The following FAM184B variants were observed in gnomAD, a reference collection of about 807,000 sequenced individuals.
The protein encoded by FAM184B is family with sequence similarity 184 member B, also known as protein FAM184B.
FAM184B carries 111 observed loss-of-function variants against 135.9 expected under a neutral mutation model. The observed-to-expected ratio is 0.82, with a 90% confidence interval of 0.70 to 0.96. The LOEUF (loss-of-function observed/expected upper bound fraction) is 0.96. Ranked by LOEUF, FAM184B falls within the 40% of genes least tolerant of loss-of-function variation. FAM184B has a pLI of 0.00. For synonymous variants in FAM184B, 552 were observed against 524.8 expected (o/e 1.05, Z -0.71); for missense variants, 1,375 against 1,323.9 (o/e 1.04, Z -0.60).
At chr4:17,735,136 A>G (rs917991110) in intron 1 of FAM184B, among the ~76,000 whole-genome samples, 1 of 149,720 alleles carries the variant, frequency 6.7e-6, no homozygotes, top group African/African-American at 2.5e-5. Flanking sequence ...AACAATGAAA[A>G]CACATGGACA....
Position 17,660,879 on chromosome 4 carries a change from T to C in FAM184B, c.1695-792A>G, listed in dbSNP as rs1715902868. On this transcript the variant is annotated intron_variant, in intron 8 of 17. Transcript: ENST00000265018. ...CCTGACAAGGACATCAGGCCAGAGC[T>C]CCAGAGGTGGGGTTTAGGGTCTCGG... Among the ~76,000 whole-genome samples, 7 of 152,068 alleles carry C rather than the reference T, an allele frequency of 4.6e-5. No homozygotes were observed. In the South Asian group the frequency reaches 8.3e-4, roughly 18 times the overall value.
chr4:17,766,762 C>T (rs1718702826), intron 1 of FAM184B, among the ~76,000 whole-genome samples: 1 of 152,258 alleles, frequency 6.6e-6, no homozygotes. Flanking sequence ...GGATCCCGCA[C>T]CGGGGCAGCA....
intron 2 of FAM184B, among the ~76,000 whole-genome samples, chr4:17,708,434 C>T (rs1380071186): frequency 6.6e-6 from 1 of 151,548 alleles, no homozygotes; most frequent in Non-Finnish European, 1.5e-5. Flanking sequence ...CACCTGAGGT[C>T]AGGAGTTGGA....
chr4:17,725,421 C>T (rs1288766924), intron 1 of FAM184B, among the ~76,000 whole-genome samples: 2 of 152,042 alleles, frequency 1.3e-5, no homozygotes, highest in Non-Finnish European at 2.9e-5. Context: ...TTTTCTCATC[C>T]CAGATACCAA....
intron 5 of FAM184B, among the ~76,000 whole-genome samples, chr4:17,699,744 C>T (rs576507854): frequency 2.6e-5 from 4 of 152,036 alleles, no homozygotes; most frequent in Middle Eastern, 3.4e-3. Context: ...TTGAAGCCAC[C>T]AAAGGAATGA....
chr4:17,732,311 C>G (rs1204910207), intron 1 of FAM184B, among the ~76,000 whole-genome samples: 3 of 152,084 alleles, frequency 2.0e-5, no homozygotes, highest in Non-Finnish European at 4.4e-5. Flanking sequence ...GAAAAGCTAG[C>G]AGAAGGCAAG....
rs191464089 is a variant in FAM184B, at chr4:17,703,251, T to C, written c.1377+1749A>G. Among the ~76,000 whole-genome samples the C allele has an allele frequency of 1.3e-4, 19 of 151,638 alleles. No individual in the cohort carries two copies. The East Asian group carries it at 3.7e-3, about 30-fold the overall frequency. On this transcript the variant is annotated intron_variant, in intron 5 of 17. Transcript: ENST00000265018. ...GTGGCGCATGCCTATAATCCCAGCATTTTGGGAGGCTAAGGTGGGAGGATC... is the reference window on the plus strand; with the variant it reads ...GTGGCGCATGCCTATAATCCCAGCACTTTGGGAGGCTAAGGTGGGAGGATC...
rs1425684255 is a variant in FAM184B, at chr4:17,781,434, C to T, written c.-135G>A. The T allele has an allele frequency of 1.8e-6, 2 of 1,103,652 alleles. No individual in the cohort carries two copies. Among genetic ancestry groups the T allele is most frequent in the Non-Finnish European group, 2.4e-6 (2 of 840,578 alleles). 68.4% of individuals were successfully genotyped at this position (1,103,652 alleles called of 1,614,324 possible). A position where few individuals can be genotyped will look rare whatever the true frequency, so the allele number is the denominator to read the frequency against. On this transcript the variant is annotated 5_prime_UTR_variant, in exon 1 of 18. Coordinates refer to ENST00000265018, the MANE Select transcript of FAM184B (RefSeq NM_015688.2). The surrounding 1 kb of genome is among the most constrained non-coding windows in gnomAD (Gnocchi z 6.5). ...ACTGCAGTCCCGTCGCCTGCACCGC[C>T]GCGTGGCCCCAGCTTCCCGAAGGTC... is the stretch of plus-strand genomic sequence containing the variant.
intron 2 of FAM184B, among the ~76,000 whole-genome samples, chr4:17,707,995 A>G (rs1717156019): frequency 6.6e-6 from 1 of 152,176 alleles, no homozygotes; most frequent in African/African-American, 2.4e-5. Flanking sequence ...TGGTAAAAAA[A>G]AAATGCTCAG....
intron 11 of FAM184B, among the ~76,000 whole-genome samples, chr4:17,651,537 CAAAAAAAAAAAA>C (rs751455835): frequency 0.014 from 605 of 43,128 alleles, 8 homozygotes; most frequent in African/African-American, 0.057. Flanking sequence ...GACTCTGTCT[CAAAAAAAAAAAA>C]AAAAAAAAAA....
intron 1 of FAM184B, among the ~76,000 whole-genome samples, chr4:17,750,095 T>C (rs1038861195): frequency 2.6e-5 from 4 of 152,218 alleles, no homozygotes; most frequent in African/African-American, 9.6e-5. Context: ...GATTTTTCCC[T>C]TAGGACAGAT....
chr4:17,772,706 C>A (rs948555367), intron 1 of FAM184B, among the ~76,000 whole-genome samples: 1 of 152,196 alleles, frequency 6.6e-6, no homozygotes, highest in Admixed American at 6.5e-5. Flanking sequence ...TGTTTTGAGA[C>A]CAAACTATCA....
At chr4:17,731,656 AG>A (rs1263484037) in intron 1 of FAM184B, among the ~76,000 whole-genome samples, 1 of 152,246 alleles carries the variant, frequency 6.6e-6, no homozygotes, top group Non-Finnish European at 1.5e-5. Flanking sequence ...CACCCAATAC[AG>A]GAGCACTCAG....
At chr4:17,711,843 G>C (rs1187029824) in intron 1 of FAM184B, among the ~76,000 whole-genome samples, 2 of 152,156 alleles carry the variant, frequency 1.3e-5, no homozygotes, top group Non-Finnish European at 2.9e-5. Flanking sequence ...GAGAATGAGG[G>C]AGCTCTCACC....
At chr4:17,755,781 C>T (rs558294203) in intron 1 of FAM184B, among the ~76,000 whole-genome samples, 21 of 152,146 alleles carry the variant, frequency 1.4e-4, no homozygotes, top group African/African-American at 2.7e-4. Context: ...AGCTGGAAGC[C>T]GTTATCCTCA....
rs762642185 is a variant in FAM184B, at chr4:17,652,146, T to TTTTTTTG, written c.2191+683_2191+684insCAAAAAA. On this transcript the variant is annotated intron_variant, in intron 11 of 17. Coordinates refer to ENST00000265018, the MANE Select transcript of FAM184B (RefSeq NM_015688.2). ...TTTAATATCTTTTTTTTTTTTTTTT[T>TTTTTTTG]TTGAGTCTTGCACTGTCGCCCAGGC... Among the ~76,000 whole-genome samples the TTTTTTTG allele has an allele frequency of 8.3e-5, 11 of 131,934 alleles. 1 individual carries two copies. The highest frequency in any genetic ancestry group is 8.4e-5 in the Admixed American group (1 of 11,916). The allele number at this position is 131,934 out of a possible 152,430, so 86.6% of individuals were successfully genotyped here.
intron 1 of FAM184B, among the ~76,000 whole-genome samples, chr4:17,759,650 A>G (rs1173560176): frequency 6.6e-6 from 1 of 151,908 alleles, no homozygotes. Flanking sequence ...CCACCACCAC[A>G]TCCAGCTAAC....
chr4:17,670,174 T>C (rs1716139335), intron 7 of FAM184B, among the ~76,000 whole-genome samples: 1 of 152,186 alleles, frequency 6.6e-6, no homozygotes, highest in African/African-American at 2.4e-5. Context: ...ATTTATAGCT[T>C]TAAATGTATT....
chr4:17,683,409 A>C (rs1172015943), intron 7 of FAM184B, among the ~76,000 whole-genome samples: 1 of 152,116 alleles, frequency 6.6e-6, no homozygotes, highest in Non-Finnish European at 1.5e-5. Flanking sequence ...ATTCATTTAG[A>C]CCTCACAAAG....
Sources: gnomAD v4.1 joint callset for allele counts (sites outside exome capture counted in the v4.1 genomes callset) on GRCh38, gnomAD v4.1.1 for gene constraint, Gnocchi (gnomAD v3.1) non-coding constraint, MANE v1.5 for transcripts, NCBI Gene and HGNC (gene_info 2026-07-23, HGNC 2026-07-21) for gene names.